The following KIF26B variants were observed in gnomAD, a reference collection of about 807,000 sequenced individuals.
KIF26B encodes the protein kinesin family member 26B, also known as kinesin-like protein KIF26B.
Under a neutral mutation model 151.2 loss-of-function variants are expected in KIF26B, and 63 were observed. The observed-to-expected ratio is 0.42, with a 90% CI of 0.34 to 0.51. The LOEUF (loss-of-function observed/expected upper bound fraction) is 0.51. Among genes scored for constraint, KIF26B ranks in the 20% least tolerant of loss-of-function variants. KIF26B has a pLI of 0.07. For synonymous variants in KIF26B, 1,357 were observed against 1,262.1 expected (o/e 1.08, Z -1.59); for missense variants, 2,813 against 2,913.6 (o/e 0.97, Z 0.79).
intron 9 of KIF26B, among the ~76,000 whole-genome samples, chr1:245,631,089 C>T (rs915939135): frequency 6.6e-6 from 1 of 152,154 alleles, no homozygotes; most frequent in Admixed American, 6.6e-5. Context: ...ATTTGACTTT[C>T]GCTTTTCCAG....
intron 2 of KIF26B, among the ~76,000 whole-genome samples, chr1:245,307,997 G>T (rs1671591348): frequency 6.6e-6 from 1 of 152,136 alleles, no homozygotes. Context: ...GTCCAACTTT[G>T]ATATCAATTG....
Position 245,703,722 on chromosome 1 carries a change from G to C in KIF26B, c.*1116G>C, listed in dbSNP as rs780655647. 6.6e-6 allele frequency: 1 copy of C among 152,216 alleles called. No homozygotes were observed. The highest frequency in any genetic ancestry group is 1.5e-5 in the Non-Finnish European group (1 of 68,052). 9.4% of individuals were successfully genotyped at this position (152,216 alleles called of 1,614,324 possible). A position where few individuals can be genotyped will look rare whatever the true frequency, so the allele number is the denominator to read the frequency against. ...AAAGTGGGTTTTTCCCCAGCTGAGA[G>C]ACCTTCTCAGGCTTGTTCAGAGACT... On this transcript the variant is annotated 3_prime_UTR_variant, in exon 15 of 15. Coordinates refer to ENST00000407071, the MANE Select transcript of KIF26B (RefSeq NM_018012.4).
chr1:245,528,185 G>A (rs546277879), intron 4 of KIF26B, among the ~76,000 whole-genome samples: 3 of 152,302 alleles, frequency 2.0e-5, no homozygotes, highest in Non-Finnish European at 4.4e-5. Flanking sequence ...CAGAAGCCGA[G>A]ATGCAGATCA....
At chr1:245,475,038 A>G (rs1424574410) in intron 4 of KIF26B, among the ~76,000 whole-genome samples, 1 of 151,944 alleles carries the variant, frequency 6.6e-6, no homozygotes, top group Non-Finnish European at 1.5e-5. Flanking sequence ...ATAAATGACA[A>G]CTTGTAAACT....
At chr1:245,423,117 G>C (rs1417164592) in intron 4 of KIF26B, among the ~76,000 whole-genome samples, 1 of 143,764 alleles carries the variant, frequency 7.0e-6, no homozygotes, top group Non-Finnish European at 1.5e-5. Context: ...AAAAAAAAAG[G>C]AAAGAAAGAA....
chr1:245,490,232 C>T (rs1660374916), intron 4 of KIF26B, among the ~76,000 whole-genome samples: 1 of 151,786 alleles, frequency 6.6e-6, no homozygotes. Flanking sequence ...TTACTAGTCC[C>T]ATATTAGATT....
intron 2 of KIF26B, 60 bp downstream of exon 2, chr1:245,156,743 C>T: frequency 8.7e-7 from 1 of 1,145,002 alleles, no homozygotes; most frequent in Non-Finnish European, 1.1e-6. Flanking sequence ...GGCCGCCACC[C>T]ACAGCAGCTG....
intron 4 of KIF26B, among the ~76,000 whole-genome samples, chr1:245,476,711 G>A (rs1271665098): frequency 1.3e-5 from 2 of 151,384 alleles, no homozygotes; most frequent in Non-Finnish European, 3.0e-5. Flanking sequence ...ATTTTTTGTA[G>A]ACATGGGGTT....
chr1:245,319,999 C>A (rs538691817), intron 2 of KIF26B, among the ~76,000 whole-genome samples: 1 of 152,138 alleles, frequency 6.6e-6, no homozygotes, highest in Non-Finnish European at 1.5e-5. Flanking sequence ...CTGTTTGTGT[C>A]ATTCATTTAG....
chr1:245,654,229 A>AGGG (rs922291290), intron 10 of KIF26B, among the ~76,000 whole-genome samples: 5 of 152,238 alleles, frequency 3.3e-5, no homozygotes, highest in Non-Finnish European at 7.3e-5. Context: ...AAGGTAAAAA[A>AGGG]GGGAAATAAA....
chr1:245,307,907 A>AT (rs1055289751), intron 2 of KIF26B, among the ~76,000 whole-genome samples: 1 of 152,048 alleles, frequency 6.6e-6, no homozygotes, highest in African/African-American at 2.4e-5. Context: ...CGCCCGGCTA[A>AT]TTTTTTGTAT....
intron 4 of KIF26B, among the ~76,000 whole-genome samples, chr1:245,436,156 G>A (rs1658925947): frequency 1.3e-5 from 2 of 149,556 alleles, no homozygotes; most frequent in Admixed American, 6.7e-5. Context: ...CAGCCTGGGC[G>A]ACAGAGTGAG....
intron 2 of KIF26B, among the ~76,000 whole-genome samples, chr1:245,360,541 T>C (rs1672796660): frequency 1.3e-5 from 2 of 152,252 alleles, no homozygotes; most frequent in African/African-American, 4.8e-5. Context: ...AGTATGATTA[T>C]TGACTCCCAT....
chr1:245,575,221 TC>T, intron 5 of KIF26B, among the ~76,000 whole-genome samples: 1 of 151,134 alleles, frequency 6.6e-6, no homozygotes, highest in African/African-American at 2.4e-5. Context: ...ACGCCTGTAA[TC>T]CCAGCACTTT....
Position 245,493,123 on chromosome 1 carries a change from T to G in KIF26B, c.1167-47644T>G, listed in dbSNP as rs570410048. 3.2e-4 allele frequency among the ~76,000 whole-genome samples: 49 copies of G among 152,250 alleles called. No homozygotes were observed. The South Asian group carries it at 8.1e-3, about 25-fold the overall frequency. ...AAATTCTGCCATACTTACAAACGTG[T>G]AGCAAGCTGACAGGAAAAGTCCTAC... On this transcript the variant is annotated intron_variant, in intron 4 of 14. Transcript: ENST00000407071.
At chr1:245,385,293 T>C (rs1370988657) in intron 3 of KIF26B, among the ~76,000 whole-genome samples, 2 of 152,244 alleles carry the variant, frequency 1.3e-5, no homozygotes, top group Non-Finnish European at 2.9e-5. Context: ...AGCTAACTAA[T>C]AGACTAAGTG....
chr1:245,185,377 A>G (rs866826949), intron 2 of KIF26B, among the ~76,000 whole-genome samples: 1 of 152,038 alleles, frequency 6.6e-6, no homozygotes, highest in South Asian at 2.1e-4. Context: ...GACCTCAGGT[A>G]ATCAGGTGGC....
chr1:245,322,154 T>G (rs1671897901), intron 2 of KIF26B, among the ~76,000 whole-genome samples: 1 of 151,732 alleles, frequency 6.6e-6, no homozygotes, highest in Non-Finnish European at 1.5e-5. Context: ...TTCTCGCTCA[T>G]AAGTAGGAGT....
At chr1:245,413,875 A>T (rs1674352452) in intron 3 of KIF26B, among the ~76,000 whole-genome samples, 1 of 152,160 alleles carries the variant, frequency 6.6e-6, no homozygotes, top group African/African-American at 2.4e-5. Context: ...AGCCGAATGG[A>T]TCAGCATCCC....
Sources: gnomAD v4.1 joint callset for allele counts (sites outside exome capture counted in the v4.1 genomes callset) on GRCh38, gnomAD v4.1.1 for gene constraint, MANE v1.5 for transcripts, NCBI Gene and HGNC (gene_info 2026-07-23, HGNC 2026-07-21) for gene names.